STPG4: variants seen among roughly 807,000 people sequenced by gnomAD.
The protein encoded by STPG4 is protein STPG4.
Under a neutral mutation model 31.5 loss-of-function variants are expected in STPG4, and 41 were observed. The ratio of observed to expected loss-of-function variants is 1.30; its 90% CI spans 1.01 to 1.69. The LOEUF (loss-of-function observed/expected upper bound fraction) is 1.69, where lower values mean the gene tolerates loss of function less well. STPG4 is among the 40% of genes most tolerant of loss of function. The probability of loss-of-function intolerance (pLI) is 0.00; values close to 1 mark genes in which losing one functional copy is unlikely to be tolerated. For synonymous variants in STPG4, 141 were observed against 103.0 expected (o/e 1.37, Z -2.24); for missense variants, 375 against 293.4 (o/e 1.28, Z -2.03).
At chr2:47,101,952 G>A (rs992043496) in intron 5 of STPG4, among the ~76,000 whole-genome samples, 2 of 151,668 alleles carry the variant, frequency 1.3e-5, no homozygotes, top group African/African-American at 4.9e-5. Context: ...TGTCGGTAAG[G>A]GCCACTAAAT....
At chr2:47,117,400 G>A (rs1309148122) in intron 5 of STPG4, among the ~76,000 whole-genome samples, 1 of 152,050 alleles carries the variant, frequency 6.6e-6, no homozygotes, top group East Asian at 1.9e-4. Context: ...GTAGAGATGG[G>A]GTTTCTCCAT....
intron 5 of STPG4, among the ~76,000 whole-genome samples, chr2:47,092,437 A>G (rs540291152): frequency 1.3e-5 from 2 of 150,476 alleles, no homozygotes; most frequent in African/African-American, 4.9e-5. Flanking sequence ...CTGAGGTGAG[A>G]GGATCACCTG....
intron 3 of STPG4, among the ~76,000 whole-genome samples, chr2:47,131,466 T>A (rs559627938): frequency 6.6e-6 from 1 of 152,302 alleles, no homozygotes; most frequent in African/African-American, 2.4e-5. Flanking sequence ...ACAAATCAAT[T>A]CAGCCATTTA....
intron 5 of STPG4, among the ~76,000 whole-genome samples, chr2:47,102,990 C>A (rs575638756): frequency 4.5e-4 from 68 of 151,970 alleles, no homozygotes; most frequent in African/African-American, 1.5e-3. Flanking sequence ...GAAAAGAATG[C>A]AGCTTTAGCT....
At chr2:47,095,499 C>G (rs557196225) in intron 5 of STPG4, among the ~76,000 whole-genome samples, 8 of 152,204 alleles carry the variant, frequency 5.3e-5, no homozygotes, top group Non-Finnish European at 1.2e-4. Context: ...CTGGGACTTC[C>G]AGTCTCCAGA....
intron 6 of STPG4, 49 bp downstream of exon 6, chr2:47,090,221 T>G (rs756722532): frequency 2.9e-5 from 38 of 1,325,792 alleles, no homozygotes; most frequent in Non-Finnish European, 3.7e-5. Context: ...CCTACCACCA[T>G]AACCATACCC....
intron 5 of STPG4, among the ~76,000 whole-genome samples, chr2:47,104,641 C>T (rs1685867581): frequency 6.6e-6 from 1 of 151,954 alleles, no homozygotes; most frequent in Non-Finnish European, 1.5e-5. Context: ...GGATAGCCCT[C>T]ATCTGTTTGA....
At chr2:47,107,432 C>A (rs1050071461) in intron 5 of STPG4, among the ~76,000 whole-genome samples, 2 of 152,194 alleles carry the variant, frequency 1.3e-5, no homozygotes, top group African/African-American at 4.8e-5. Context: ...GGGCCAGCGG[C>A]TGCAGAGGGT....
intron 5 of STPG4, among the ~76,000 whole-genome samples, chr2:47,094,905 TC>T (rs1685639740): frequency 6.6e-6 from 1 of 152,146 alleles, no homozygotes; most frequent in Non-Finnish European, 1.5e-5. Flanking sequence ...GCCTGACATT[TC>T]CTGCCTGCAC....
intron 3 of STPG4, among the ~76,000 whole-genome samples, chr2:47,130,576 C>T (rs955146792): frequency 2.6e-5 from 4 of 152,060 alleles, no homozygotes; most frequent in South Asian, 2.1e-4. Context: ...AGTGCAGTGG[C>T]GTGATTTCCG....
chr2:47,105,052 G>T (rs1251153880), intron 5 of STPG4, among the ~76,000 whole-genome samples: 1 of 151,904 alleles, frequency 6.6e-6, no homozygotes, highest in African/African-American at 2.4e-5. Context: ...GAGGGCAAAT[G>T]CTCATCTAGT....
At chr2:47,101,554 CT>C (rs1270051915) in intron 5 of STPG4, among the ~76,000 whole-genome samples, 1 of 151,792 alleles carries the variant, frequency 6.6e-6, no homozygotes, top group Non-Finnish European at 1.5e-5. Flanking sequence ...GTCTCTGGTG[CT>C]TTTTTAGTTT....
intron 3 of STPG4, among the ~76,000 whole-genome samples, chr2:47,140,282 G>T (rs908985756): frequency 5.3e-5 from 8 of 152,150 alleles, no homozygotes; most frequent in African/African-American, 1.9e-4. Context: ...CTGAGGGCAG[G>T]CCTTGTTAGT....
chr2:47,099,617 C>A (rs1010112291), intron 5 of STPG4, among the ~76,000 whole-genome samples: 3 of 152,282 alleles, frequency 2.0e-5, no homozygotes, highest in Admixed American at 2.0e-4. Context: ...TCTGCCTGGG[C>A]TCCCACTTTG....
In STPG4 at chr2:47,090,367, C is replaced by A; in HGVS notation, c.527G>T (p.Gly176Val). ...CACATTATAATGACCTGGACCAGGG[C>A]CTTCATGCTATTGAACATTTAAAAA... ...FPTTYFIPHE[G>V]PGPGHYNVKM... is the part of the protein sequence containing the mutation. The change falls in exon 6 of 7, where the codon GGC becomes GTC. Residue 176 changes from glycine to valine, a missense_variant. Coordinates refer to ENST00000445927, the MANE Select transcript of STPG4 (RefSeq NM_001163561.2). 1 of 1,549,116 alleles carries A rather than the reference C, an allele frequency of 6.5e-7. No individual in the cohort carries two copies. The highest frequency in any genetic ancestry group is 8.7e-7 in the Non-Finnish European group (1 of 1,144,532).
intron 6 of STPG4, 35 bp from the exon 7 acceptor site, chr2:47,087,165 C>T (rs1429841713): frequency 6.5e-7 from 1 of 1,548,564 alleles, no homozygotes; most frequent in Non-Finnish European, 8.7e-7. Flanking sequence ...ACTGATGAGA[C>T]AGTGAAACCA....
At chr2:47,103,298 T>C (rs1453851270) in intron 5 of STPG4, among the ~76,000 whole-genome samples, 2 of 151,912 alleles carry the variant, frequency 1.3e-5, no homozygotes, top group African/African-American at 4.8e-5. Flanking sequence ...CTTAAGAAAA[T>C]ATACTCCCCT....
rs1055497242 is a variant in STPG4, at chr2:47,096,540, C to T, written c.520-6166G>A. ...GACCAAAGAACAGATGATTAGTGGT[C>T]GCCGAGATATCTTCATCTGTGTGCA... On this transcript the variant is annotated intron_variant, in intron 5 of 6. Coordinates refer to ENST00000445927, the MANE Select transcript of STPG4 (RefSeq NM_001163561.2). Among the ~76,000 whole-genome samples, 15 of 152,322 alleles carry T rather than the reference C, an allele frequency of 9.8e-5. 1 individual carries two copies. In the South Asian group the frequency reaches 2.5e-3, roughly 25 times the overall value.
At chr2:47,147,328 G>A (rs1268550543) in intron 3 of STPG4, among the ~76,000 whole-genome samples, 1 of 152,122 alleles carries the variant, frequency 6.6e-6, no homozygotes, top group Non-Finnish European at 1.5e-5. Flanking sequence ...TAAAAGATGA[G>A]CAGTTAGGGG....
Sources: gnomAD v4.1 joint callset for allele counts (sites outside exome capture counted in the v4.1 genomes callset) on GRCh38, gnomAD v4.1.1 for gene constraint, MANE v1.5 for transcripts, NCBI Gene and HGNC (gene_info 2026-07-23, HGNC 2026-07-21) for gene names.